DIS3L2: variants seen among roughly 807,000 people sequenced by gnomAD.
DIS3L2 encodes the protein DIS3-like exonuclease 2.
Under a neutral mutation model 97.5 loss-of-function variants are expected in DIS3L2, and 34 were observed. The ratio of observed to expected loss-of-function variants is 0.35; its 90% CI spans 0.27 to 0.46. The LOEUF is 0.46. Among genes scored for constraint, DIS3L2 ranks in the 20% least tolerant of loss-of-function variants. DIS3L2 has a pLI of 1.00. For synonymous variants in DIS3L2, 435 were observed against 445.2 expected (o/e 0.98, Z 0.29); for missense variants, 1,038 against 1,146.0 (o/e 0.91, Z 1.36).
chr2:232,279,792 G>A (rs533989172), intron 13 of DIS3L2, among the ~76,000 whole-genome samples: 2 of 152,292 alleles, frequency 1.3e-5, no homozygotes, highest in East Asian at 3.9e-4. Context: ...GCCTCCCAAA[G>A]TGCTGGGATT....
chr2:232,336,274 G>C (rs1188900350), intron 20 of DIS3L2, 195 bp from the exon 21 acceptor site: 1 of 1,546,014 alleles, frequency 6.5e-7, no homozygotes, highest in African/African-American at 1.4e-5. Flanking sequence ...GGAGCGCTCA[G>C]GATGCATCTG....
chr2:232,107,425 C>T (rs1002500834), intron 6 of DIS3L2, among the ~76,000 whole-genome samples: 6 of 152,098 alleles, frequency 3.9e-5, no homozygotes, highest in South Asian at 2.1e-4. Context: ...GTAGGCTGGG[C>T]GCAGTGGCTC....
At chr2:232,160,998 A>G (rs2106375002) in intron 8 of DIS3L2, among the ~76,000 whole-genome samples, 1 of 152,078 alleles carries the variant, frequency 6.6e-6, no homozygotes, top group Admixed American at 6.5e-5. Context: ...GCTCACCGCA[A>G]CCTCCGCCTC....
intron 7 of DIS3L2, among the ~76,000 whole-genome samples, chr2:232,134,226 A>T (rs1303139585): frequency 6.6e-6 from 1 of 152,116 alleles, no homozygotes; most frequent in Non-Finnish European, 1.5e-5. Context: ...CATTCAGACA[A>T]CTGGAGCCCT....
chr2:232,001,557 CTTTTTT>C (rs57766848), intron 1 of DIS3L2, among the ~76,000 whole-genome samples: 7 of 61,920 alleles, frequency 1.1e-4, no homozygotes, highest in African/African-American at 5.2e-4. Context: ...TGCCATTTGT[CTTTTTT>C]TTTTTTTTTT....
chr2:232,109,186 C>T (rs1697448010), intron 6 of DIS3L2, among the ~76,000 whole-genome samples: 1 of 152,196 alleles, frequency 6.6e-6, no homozygotes, highest in Admixed American at 6.5e-5. Flanking sequence ...TGGCTCATGC[C>T]TGTAATCCCA....
rs1574824219 is a variant in DIS3L2, at chr2:232,030,135, A to G, written c.366+55A>G. 16 of 1,475,880 alleles carry G rather than the reference A, an allele frequency of 1.1e-5. No individual in the cohort carries two copies. The East Asian group carries it at 3.0e-4, about 28-fold the overall frequency. 91.4% of individuals were successfully genotyped at this position (1,475,880 alleles called of 1,614,324 possible). ...GATTTCTTAGGGTCTTTCACATTCC[A>G]TGGTGCACCAACAAGGCATCATAAA... On this transcript the variant is annotated intron_variant, in intron 5 of 20. Coordinates refer to ENST00000325385, the MANE Select transcript of DIS3L2 (RefSeq NM_152383.5).
At chr2:232,315,587 A>G (rs1695250031) in intron 14 of DIS3L2, among the ~76,000 whole-genome samples, 2 of 151,966 alleles carry the variant, frequency 1.3e-5, no homozygotes, top group Admixed American at 1.3e-4. Context: ...TTGGGCAGGA[A>G]GCCTCTAGAG....
chr2:232,022,488 C>T (rs1472753080), intron 3 of DIS3L2, among the ~76,000 whole-genome samples: 2 of 152,068 alleles, frequency 1.3e-5, no homozygotes, highest in African/African-American at 4.8e-5. Context: ...CAATTAAAGG[C>T]ATTTTCAAAG....
chr2:232,133,727 G>C (rs1412927700), intron 7 of DIS3L2, among the ~76,000 whole-genome samples: 1 of 152,078 alleles, frequency 6.6e-6, no homozygotes, highest in Non-Finnish European at 1.5e-5. Flanking sequence ...GCTCACTCCT[G>C]TAATCCCAGC....
intron 9 of DIS3L2, among the ~76,000 whole-genome samples, chr2:232,188,749 TTCTG>T (rs1197500840): frequency 1.3e-5 from 2 of 152,184 alleles, no homozygotes; most frequent in Non-Finnish European, 2.9e-5. Flanking sequence ...ATTAAAAACT[TTCTG>T]TCTATGAAAG....
At chr2:232,184,210 G>A (rs1264636424) in intron 9 of DIS3L2, among the ~76,000 whole-genome samples, 1 of 152,130 alleles carries the variant, frequency 6.6e-6, no homozygotes, top group African/African-American at 2.4e-5. Flanking sequence ...TTCAGAGGAG[G>A]CCTCTACTTT....
chr2:232,022,911 G>T (rs979870917), intron 3 of DIS3L2, among the ~76,000 whole-genome samples: 2 of 152,226 alleles, frequency 1.3e-5, no homozygotes, highest in African/African-American at 4.8e-5. Context: ...TGGCCTTGGG[G>T]AGCTTTGCCA....
At chr2:232,013,026 A>T (rs564909276) in intron 1 of DIS3L2, among the ~76,000 whole-genome samples, 46 of 152,286 alleles carry the variant, frequency 3.0e-4, no homozygotes, top group Admixed American at 1.6e-3. Flanking sequence ...CTCTAACTTT[A>T]CCAACTCCCA....
intron 5 of DIS3L2, among the ~76,000 whole-genome samples, chr2:232,053,138 A>G (rs1422033454): frequency 1.3e-5 from 2 of 152,248 alleles, no homozygotes; most frequent in African/African-American, 4.8e-5. Flanking sequence ...ATGTCTGGTA[A>G]CAGATAAAAA....
intron 9 of DIS3L2, among the ~76,000 whole-genome samples, chr2:232,165,612 A>C (rs1231424915): frequency 6.6e-6 from 1 of 152,168 alleles, no homozygotes; most frequent in African/African-American, 2.4e-5. Context: ...GCAGCCTTGA[A>C]TTCTTGGGCT....
intron 14 of DIS3L2, among the ~76,000 whole-genome samples, chr2:232,322,118 G>A (rs1245020480): frequency 1.3e-5 from 2 of 152,234 alleles, no homozygotes; most frequent in Non-Finnish European, 2.9e-5. Flanking sequence ...GGGCAGCAAT[G>A]TGCTCTCAGG....
chr2:232,192,198 T>G (rs1691634249), intron 9 of DIS3L2, among the ~76,000 whole-genome samples: 5 of 152,218 alleles, frequency 3.3e-5, no homozygotes, highest in Admixed American at 3.3e-4. Context: ...AAGGCTTATG[T>G]TATACCTTTA....
intron 10 of DIS3L2, among the ~76,000 whole-genome samples, chr2:232,218,024 A>T (rs1423971180): frequency 6.6e-6 from 1 of 152,186 alleles, no homozygotes; most frequent in African/African-American, 2.4e-5. Context: ...GACCCCTTTT[A>T]AAATGGAAGT....
Sources: allele counts gnomAD v4.1 joint callset (sites outside exome capture counted in the v4.1 genomes callset), GRCh38; gene constraint gnomAD v4.1.1; transcripts MANE v1.5; gene names NCBI Gene and HGNC (gene_info 2026-07-23, HGNC 2026-07-21).